The following SENP5 variants were observed in gnomAD, a reference collection of about 807,000 sequenced individuals.
SENP5 encodes the protein sentrin-specific protease 5.
Under a neutral mutation model 74.2 loss-of-function variants are expected in SENP5, and 21 were observed. That is an observed-to-expected ratio of 0.28 (90% CI 0.20 to 0.41). The LOEUF (loss-of-function observed/expected upper bound fraction) is 0.41, where lower values mean the gene tolerates loss of function less well. Among genes scored for constraint, SENP5 ranks in the 10% least tolerant of loss-of-function variants. SENP5 has a pLI of 1.00. For synonymous variants in SENP5, 311 were observed against 312.7 expected (o/e 0.99, Z 0.06); for missense variants, 717 against 889.1 (o/e 0.81, Z 2.46).
At chr3:196,886,745 T>G in intron 2 of SENP5, 51 bp downstream of exon 2, 1 of 1,409,546 alleles carries the variant, frequency 7.1e-7, no homozygotes, top group Non-Finnish European at 9.5e-7. Flanking sequence ...ACATTTGCTG[T>G]GCATTATCCT....
intron 6 of SENP5, chr3:196,913,129 CTT>C (rs1257559177): frequency 6.6e-6 from 1 of 151,864 alleles, no homozygotes; most frequent in African/African-American, 2.4e-5. Flanking sequence ...TAGTGGCAGA[CTT>C]TTCTCATAAG....
At chr3:196,914,582 AAAAAATATATATATATATAT>A (rs1715281217) in intron 6 of SENP5, 2 of 65,928 alleles carry the variant, frequency 3.0e-5, no homozygotes, top group African/African-American at 1.4e-4. Flanking sequence ...AAAAAAAAAA[AAAAAATATATATATATATAT>A]ATATATATAT....
intron 7 of SENP5, among the ~76,000 whole-genome samples, chr3:196,924,664 G>A (rs762483598): frequency 4.6e-5 from 7 of 152,178 alleles, no homozygotes; most frequent in Non-Finnish European, 8.8e-5. Context: ...GATAGTTGCA[G>A]TTCTCATCAG....
chr3:196,885,218 A>G lies in SENP5; in HGVS notation c.37A>G (p.Ile13Val), dbSNP rs1200513793. 2 of 1,613,636 alleles carry G rather than the reference A, an allele frequency of 1.2e-6. No individual in the cohort carries two copies. Among genetic ancestry groups the G allele is most frequent in the Admixed American group, 1.7e-5 (1 of 59,880 alleles). Reference sequence around the variant, plus strand: ...GAGGAAAATTCTATGGAGGAAAGGAATCCACTTAGCCTTTTCTGAGAAATG... The same window carrying G: ...GAGGAAAATTCTATGGAGGAAAGGAGTCCACTTAGCCTTTTCTGAGAAATG... ...KQRKILWRKG[I>V]HLAFSEKWNT... Residue 13 changes from isoleucine to valine, a missense_variant, in exon 2 of 10, where the codon ATC becomes GTC. By Grantham distance (29) the Ile-to-Val change is conservative (BLOSUM62 3). Around this residue, in one of 4 missense-constraint regions of SENP5, gnomAD observed 567 missense variants for 577.4 expected, o/e 0.98. Coordinates refer to ENST00000323460, the MANE Select transcript of SENP5 (RefSeq NM_152699.5).
chr3:196,902,835 T>C (rs1435626145), intron 5 of SENP5, among the ~76,000 whole-genome samples: 1 of 152,238 alleles, frequency 6.6e-6, no homozygotes, highest in African/African-American at 2.4e-5. Flanking sequence ...AAGGCCTTTT[T>C]ATGGTTACTG....
chr3:196,889,182 T>C (rs1714103125), intron 2 of SENP5, among the ~76,000 whole-genome samples: 1 of 148,464 alleles, frequency 6.7e-6, no homozygotes. Flanking sequence ...AAGTACAGAG[T>C]CCTAGCAAAT....
At chr3:196,914,586 A>AAAAAAAATATAT in intron 6 of SENP5, 3 of 33,500 alleles carry the variant, frequency 9.0e-5, no homozygotes, top group African/African-American at 3.6e-4. Context: ...AAAAAAAAAA[A>AAAAAAAATATAT]ATATATATAT....
intron 6 of SENP5, among the ~76,000 whole-genome samples, chr3:196,917,666 T>C (rs1413222288): frequency 6.6e-6 from 1 of 152,148 alleles, no homozygotes; most frequent in African/African-American, 2.4e-5. Flanking sequence ...GCATGTCAAG[T>C]GCTGAAGGAA....
At chr3:196,897,568 A>G (rs916829818) in intron 2 of SENP5, among the ~76,000 whole-genome samples, 2 of 152,178 alleles carry the variant, frequency 1.3e-5, no homozygotes, top group Admixed American at 1.3e-4. Flanking sequence ...TAAATTGTTC[A>G]CTTCTTTGTC....
chr3:196,906,299 A>G (rs1291858838), intron 6 of SENP5, among the ~76,000 whole-genome samples: 1 of 152,224 alleles, frequency 6.6e-6, no homozygotes, highest in African/African-American at 2.4e-5. Context: ...GACCAAATTT[A>G]TTATTTTACA....
At position 196,868,916 on chromosome 3, in the gene SENP5, C is replaced by T. The variant is rs183610979; in HGVS notation, c.-32+843C>T. 8.5e-4 allele frequency among the ~76,000 whole-genome samples: 127 copies of T among 148,560 alleles called. 1 individual carries two copies. In the East Asian group the frequency reaches 0.012, roughly 15 times the overall value. ...TTGCATTTTGCCCGGAATAACTAAG[C>T]TTGGTATGGAAAAGGTTGCCTAGAG... On this transcript the variant is annotated intron_variant, in intron 1 of 9. Coordinates refer to ENST00000323460, the MANE Select transcript of SENP5 (RefSeq NM_152699.5).
At chr3:196,869,967 G>T (rs1713139953) in intron 1 of SENP5, among the ~76,000 whole-genome samples, 1 of 151,552 alleles carries the variant, frequency 6.6e-6, no homozygotes, top group African/African-American at 2.4e-5. Flanking sequence ...ACACAGGCCT[G>T]CCTTTCTGCC....
At position 196,885,190 on chromosome 3, in the gene SENP5, AC is replaced by A; in HGVS notation, c.10del (p.Gln4ArgfsTer12). ...CATTATGCATCAGAAAAATGAAAAA[AC>A]AGAGGAAAATTCTATGGAGGAAAGG... MKK[Q>X]RKILWRKGIH... On this transcript the variant is annotated frameshift_variant, in exon 2 of 10. Transcript: ENST00000323460. LOFTEE classifies it high-confidence loss of function. The A allele has an allele frequency of 6.2e-7, 1 of 1,608,970 alleles. No homozygotes were observed. The highest frequency in any genetic ancestry group is 8.5e-7 in the Non-Finnish European group (1 of 1,178,146).
chr3:196,902,806 T>G (rs1336860217), intron 5 of SENP5, among the ~76,000 whole-genome samples: 3 of 152,318 alleles, frequency 2.0e-5, no homozygotes, highest in South Asian at 2.1e-4. Flanking sequence ...AATTCTGTGG[T>G]ACTAGAAATA....
chr3:196,879,975 T>A (rs1713652746), intron 1 of SENP5, among the ~76,000 whole-genome samples: 1 of 152,224 alleles, frequency 6.6e-6, no homozygotes, highest in African/African-American at 2.4e-5. Context: ...AGACATGGTC[T>A]CACTCTGTTG....
At chr3:196,922,757 G>A (rs1252234159) in intron 6 of SENP5, among the ~76,000 whole-genome samples, 1 of 152,064 alleles carries the variant, frequency 6.6e-6, no homozygotes, top group Admixed American at 6.6e-5. Context: ...AAGTAACTGC[G>A]ACTACCAGTG....
At chr3:196,924,706 A>G (rs1186037323) in intron 7 of SENP5, among the ~76,000 whole-genome samples, 1 of 152,188 alleles carries the variant, frequency 6.6e-6, no homozygotes, top group African/African-American at 2.4e-5. Flanking sequence ...AAAAGATACA[A>G]ATTCTGTTGC....
intron 8 of SENP5, 49 bp from the exon 9 acceptor site, chr3:196,929,584 A>C: frequency 8.4e-6 from 10 of 1,191,508 alleles, no homozygotes; most frequent in African/African-American, 1.5e-5. Context: ...TCTTATCTGA[A>C]GAGAAGTAAT....
At chr3:196,892,391 C>T (rs1264340595) in intron 2 of SENP5, among the ~76,000 whole-genome samples, 4 of 151,846 alleles carry the variant, frequency 2.6e-5, no homozygotes, top group African/African-American at 9.7e-5. Context: ...AAGTGATCCG[C>T]CCGGCTTAGC....
Sources: gnomAD v4.1 joint callset for allele counts (sites outside exome capture counted in the v4.1 genomes callset) on GRCh38, gnomAD v4.1.1 for gene constraint, gnomAD v4.1.1 regional missense constraint, MANE v1.5 for transcripts, NCBI Gene and HGNC (gene_info 2026-07-23, HGNC 2026-07-21) for gene names.